HECW2: variants seen among roughly 807,000 people sequenced by gnomAD.
HECW2 encodes HECT, C2 and WW domain containing E3 ubiquitin protein ligase 2, also known as E3 ubiquitin-protein ligase HECW2.
A neutral mutation model predicts 175.2 loss-of-function variants in HECW2; 61 were observed. That is an observed-to-expected ratio of 0.35 (90% confidence interval 0.28 to 0.43). The LOEUF is 0.43. Among genes scored for constraint, HECW2 ranks in the 20% least tolerant of loss-of-function variants. HECW2 has a pLI of 1.00. For missense variants in HECW2, 1,524 were observed against 2,000.5 expected (o/e 0.76, Z 4.54); for synonymous variants, 671 against 731.0 (o/e 0.92, Z 1.32).
At chr2:196,339,629 G>A (rs1559052462) in intron 3 of HECW2, among the ~76,000 whole-genome samples, 1 of 152,168 alleles carries the variant, frequency 6.6e-6, no homozygotes, top group South Asian at 2.1e-4. Context: ...AGGAGGGAAG[G>A]AAGAACAGAA....
chr2:196,338,887 CT>C (rs1298972287), intron 3 of HECW2, among the ~76,000 whole-genome samples: 4 of 152,194 alleles, frequency 2.6e-5, no homozygotes, highest in Non-Finnish European at 5.9e-5. Flanking sequence ...CAGCTTTACT[CT>C]TCATGCTTTT....
intron 1 of HECW2, among the ~76,000 whole-genome samples, chr2:196,536,599 C>T (rs970126362): frequency 6.6e-6 from 1 of 152,122 alleles, no homozygotes; most frequent in Non-Finnish European, 1.5e-5. Context: ...TAGAGTCTGC[C>T]ATTTTGTTCC....
intron 13 of HECW2, among the ~76,000 whole-genome samples, chr2:196,295,077 T>C (rs967003970): frequency 1.3e-5 from 2 of 152,190 alleles, no homozygotes; most frequent in African/African-American, 4.8e-5. Context: ...AATTCCTCAG[T>C]ACACTTGAGT....
chr2:196,523,789 C>T (rs1389703040), intron 1 of HECW2, among the ~76,000 whole-genome samples: 18 of 150,758 alleles, frequency 1.2e-4, no homozygotes, highest in Middle Eastern at 3.4e-3. Context: ...TATTGATTTG[C>T]GTATATTGAA....
At chr2:196,396,978 T>A (rs1477718557) in intron 2 of HECW2, among the ~76,000 whole-genome samples, 2 of 151,126 alleles carry the variant, frequency 1.3e-5, no homozygotes, top group African/African-American at 4.9e-5. Context: ...CCAGGCGTGG[T>A]GGCGGGCACC....
At chr2:196,549,135 G>C (rs1371028874) in intron 1 of HECW2, among the ~76,000 whole-genome samples, 1 of 152,116 alleles carries the variant, frequency 6.6e-6, no homozygotes, top group Non-Finnish European at 1.5e-5. Context: ...CCTCTTAAAA[G>C]CCTTTTTATT....
At chr2:196,500,066 T>A (rs1687524181) in intron 1 of HECW2, among the ~76,000 whole-genome samples, 1 of 151,970 alleles carries the variant, frequency 6.6e-6, no homozygotes, top group South Asian at 2.1e-4. Flanking sequence ...ATATCAAGCA[T>A]CCCCAAAAAT....
At chr2:196,325,247 A>AAGG (rs1430550489) in intron 5 of HECW2, 98 bp from the exon 6 acceptor site, 1 of 851,606 alleles carries the variant, frequency 1.2e-6, no homozygotes, top group East Asian at 2.6e-5. Context: ...CAGAAGAAGG[A>AAGG]AGGATTCATA....
At chr2:196,463,404 G>GC (rs1266234274) in intron 1 of HECW2, among the ~76,000 whole-genome samples, 1 of 106,384 alleles carries the variant, frequency 9.4e-6, no homozygotes, top group East Asian at 2.5e-4. Context: ...CCTCTACCCT[G>GC]CAAAAAAAAA....
rs1467720820 is a variant in HECW2, at chr2:196,242,208, C to T, written c.3530-4G>A. On this transcript the variant is annotated splice_region_variant and splice_polypyrimidine_tract_variant and intron_variant, in intron 19 of 28. Transcript: ENST00000644978. ...CGGGCATTGGCACGCTGGGTACCTG[C>T]AGCAAACCACAAAGAGAGGACAATC... is the stretch of plus-strand genomic sequence containing the variant. The T allele has an allele frequency of 6.2e-7, 1 of 1,614,114 alleles. No individual in the cohort carries two copies. Among genetic ancestry groups the T allele is most frequent in the Admixed American group, 1.7e-5 (1 of 60,026 alleles).
At chr2:196,270,741 G>A (rs996571454) in intron 17 of HECW2, among the ~76,000 whole-genome samples, 3 of 149,852 alleles carry the variant, frequency 2.0e-5, no homozygotes, top group Admixed American at 6.7e-5. Flanking sequence ...TCACTCTGTC[G>A]CCAGGCTGGA....
chr2:196,309,615 T>A (rs1431912918), intron 10 of HECW2, among the ~76,000 whole-genome samples: 1 of 7,442 alleles, frequency 1.3e-4, no homozygotes, highest in Non-Finnish European at 0.01. Flanking sequence ...TGGGAACCAA[T>A]TACCCCATCT....
At chr2:196,556,184 A>T (rs183999259) in intron 1 of HECW2, among the ~76,000 whole-genome samples, 1 of 152,312 alleles carries the variant, frequency 6.6e-6, no homozygotes, top group East Asian at 1.9e-4. Flanking sequence ...GACAAATGAA[A>T]ATTCTGTATA....
intron 1 of HECW2, among the ~76,000 whole-genome samples, chr2:196,513,495 G>A (rs1007840617): frequency 2.6e-5 from 4 of 152,156 alleles, no homozygotes; most frequent in Non-Finnish European, 2.9e-5. Context: ...GGGTGACAGA[G>A]TGAGACCCTG....
intron 1 of HECW2, among the ~76,000 whole-genome samples, chr2:196,512,123 G>A (rs889653519): frequency 3.3e-5 from 5 of 152,194 alleles, no homozygotes; most frequent in African/African-American, 1.2e-4. Context: ...AAGACCTGTG[G>A]AGACCTGGAG....
intron 1 of HECW2, among the ~76,000 whole-genome samples, chr2:196,511,897 G>A (rs951617719): frequency 6.6e-6 from 1 of 152,172 alleles, no homozygotes; most frequent in Non-Finnish European, 1.5e-5. Context: ...CAGGAACTTG[G>A]CACCCTTGCT....
At chr2:196,349,974 C>G (rs1053648975) in intron 2 of HECW2, among the ~76,000 whole-genome samples, 2 of 152,186 alleles carry the variant, frequency 1.3e-5, no homozygotes, top group African/African-American at 4.8e-5. Flanking sequence ...GTCACAGATC[C>G]TCACGGGTCA....
chr2:196,391,143 C>A (rs974219253), intron 2 of HECW2, among the ~76,000 whole-genome samples: 2 of 152,100 alleles, frequency 1.3e-5, no homozygotes, highest in African/African-American at 2.4e-5. Context: ...ATTTAAACTC[C>A]CAGTTCTAAA....
intron 2 of HECW2, among the ~76,000 whole-genome samples, chr2:196,363,882 T>C (rs1010470554): frequency 6.6e-6 from 1 of 152,098 alleles, no homozygotes; most frequent in Non-Finnish European, 1.5e-5. Flanking sequence ...AATAAATATA[T>C]TTCCTCTTTT....
Sources: allele counts gnomAD v4.1 joint callset (sites outside exome capture counted in the v4.1 genomes callset), GRCh38; gene constraint gnomAD v4.1.1; transcripts MANE v1.5; gene names NCBI Gene and HGNC (gene_info 2026-07-23, HGNC 2026-07-21).